The following ANKS1B variants were observed in gnomAD, a reference collection of about 807,000 sequenced individuals.
The protein encoded by ANKS1B is ankyrin repeat and sterile alpha motif domain-containing protein 1B.
ANKS1B carries 36 observed loss-of-function variants against 148.3 expected under a neutral mutation model. That is an observed-to-expected ratio of 0.24 (90% confidence interval 0.19 to 0.32). The LOEUF is 0.32. Among genes scored for constraint, ANKS1B ranks in the 10% least tolerant of loss-of-function variants. ANKS1B has a pLI of 1.00. For synonymous variants in ANKS1B, 542 were observed against 560.8 expected (o/e 0.97, Z 0.47); for missense variants, 1,157 against 1,542.6 (o/e 0.75, Z 4.19).
intron 9 of ANKS1B, among the ~76,000 whole-genome samples, chr12:98,738,681 A>G (rs139531594): frequency 3.9e-4 from 59 of 152,338 alleles, no homozygotes; most frequent in African/African-American, 1.4e-3. Flanking sequence ...AGAAAGGCCA[A>G]GACTCTTAGG....
At chr12:99,518,174 A>AT (rs879432610) in intron 9 of ANKS1B, among the ~76,000 whole-genome samples, 30 of 151,138 alleles carry the variant, frequency 2.0e-4, no homozygotes, top group African/African-American at 6.3e-4. Context: ...ACTGACCAGT[A>AT]TTTTTTTTTA....
In ANKS1B at chr12:98,832,148, T is replaced by C; in HGVS notation, c.2779-12A>G. The C allele has an allele frequency of 1.3e-6, 2 of 1,539,774 alleles. No homozygotes were observed. The highest frequency in any genetic ancestry group is 8.8e-7 in the Non-Finnish European group (1 of 1,136,200). ...TTGATTTTTAAAACCTGAAACAACA[T>C]ATATTTGGGTTAAATATTTCACTGG... On this transcript the variant is annotated splice_polypyrimidine_tract_variant and intron_variant, in intron 17 of 26. Coordinates refer to ENST00000683438, the MANE Select transcript of ANKS1B (RefSeq NM_001352186.2).
At chr12:99,336,021 A>G (rs746407230) in intron 12 of ANKS1B, among the ~76,000 whole-genome samples, 1 of 152,118 alleles carries the variant, frequency 6.6e-6, no homozygotes, top group Non-Finnish European at 1.5e-5. Flanking sequence ...CCTCGCTAGC[A>G]TTCACTATTA....
At chr12:99,203,252 C>T (rs931836682) in intron 14 of ANKS1B, among the ~76,000 whole-genome samples, 1 of 152,144 alleles carries the variant, frequency 6.6e-6, no homozygotes, top group African/African-American at 2.4e-5. Context: ...AGTCCTACCT[C>T]TTTTGCGTTG....
intron 24 of ANKS1B, among the ~76,000 whole-genome samples, chr12:98,779,049 T>G (rs2098708828): frequency 6.6e-6 from 1 of 152,230 alleles, no homozygotes; most frequent in African/African-American, 2.4e-5. Context: ...CATAGGCACT[T>G]TGCCTTTGCT....
rs540853960 is a variant in ANKS1B at position 99,182,787 on chromosome 12, G to A, written c.2420-28392C>T. ...ATTTACGTTCCTACTAACAGTGTAC[G>A]AGAGTTCCTTTTTCTCCACGTCTTC... On this transcript the variant is annotated intron_variant, in intron 14 of 26. Transcript: ENST00000683438. 2.3e-3 allele frequency among the ~76,000 whole-genome samples: 347 copies of A among 152,104 alleles called. 4 individuals are homozygous for A. The highest frequency in any genetic ancestry group is 8.1e-3 in the African/African-American group (335 of 41,516).
chr12:98,919,698 T>G (rs1467408366), intron 17 of ANKS1B, among the ~76,000 whole-genome samples: 2 of 152,206 alleles, frequency 1.3e-5, no homozygotes, highest in African/African-American at 4.8e-5. Flanking sequence ...TCTTTTTTAG[T>G]TTGCTCTTAC....
intron 2 of ANKS1B, among the ~76,000 whole-genome samples, chr12:99,819,276 G>C (rs1004316705): frequency 6.6e-6 from 1 of 151,798 alleles, no homozygotes; most frequent in Non-Finnish European, 1.5e-5. Context: ...TAGATTTCTA[G>C]ATTACAGAGT....
intron 1 of ANKS1B, among the ~76,000 whole-genome samples, chr12:99,842,840 G>A (rs897515300): frequency 2.6e-5 from 4 of 152,114 alleles, no homozygotes; most frequent in Non-Finnish European, 4.4e-5. Flanking sequence ...GCATTGAAAA[G>A]TATATTCTAT....
intron 16 of ANKS1B, among the ~76,000 whole-genome samples, chr12:99,063,931 C>G (rs1044977915): frequency 2.0e-5 from 3 of 152,164 alleles, no homozygotes; most frequent in Non-Finnish European, 2.9e-5. Context: ...CAATTAGACT[C>G]TGTTATGGAT....
chr12:98,802,059 G>C (rs1304968200), intron 20 of ANKS1B, among the ~76,000 whole-genome samples: 1 of 152,078 alleles, frequency 6.6e-6, no homozygotes, highest in East Asian at 1.9e-4. Context: ...GGAAAGATTT[G>C]GATTTTTCCA....
At chr12:99,748,199 C>T (rs1455800378) in intron 8 of ANKS1B, among the ~76,000 whole-genome samples, 1 of 151,972 alleles carries the variant, frequency 6.6e-6, no homozygotes, top group Non-Finnish European at 1.5e-5. Flanking sequence ...TGACCCTTCC[C>T]AGAAGTCTAT....
At chr12:98,813,238 G>A (rs995840054) in intron 19 of ANKS1B, among the ~76,000 whole-genome samples, 2 of 150,538 alleles carry the variant, frequency 1.3e-5, no homozygotes, top group African/African-American at 4.9e-5. Flanking sequence ...TTGAGATGGA[G>A]TCTCATTCTG....
chr12:99,309,577 A>G (rs2082858867), intron 12 of ANKS1B, among the ~76,000 whole-genome samples: 1 of 152,106 alleles, frequency 6.6e-6, no homozygotes, highest in Non-Finnish European at 1.5e-5. Flanking sequence ...ACATATGTAT[A>G]CACATTAATT....
chr12:98,776,181 C>T (rs1170222783), intron 24 of ANKS1B, among the ~76,000 whole-genome samples: 1 of 152,252 alleles, frequency 6.6e-6, no homozygotes, highest in Non-Finnish European at 1.5e-5. Flanking sequence ...GTCAAGGATA[C>T]TACAGTTGTA....
intron 8 of ANKS1B, among the ~76,000 whole-genome samples, chr12:99,726,717 G>A (rs1393339977): frequency 6.6e-5 from 10 of 152,292 alleles, no homozygotes; most frequent in Non-Finnish European, 1.5e-5. Context: ...TATCCCTGAT[G>A]AATATTGATG....
At chr12:99,369,592 T>A (rs1296187739) in intron 12 of ANKS1B, among the ~76,000 whole-genome samples, 1 of 150,894 alleles carries the variant, frequency 6.6e-6, no homozygotes, top group East Asian at 2.0e-4. Flanking sequence ...AATTATAATT[T>A]TCTCAGTGTG....
chr12:99,978,877 A>T (rs940046063), intron 1 of ANKS1B, among the ~76,000 whole-genome samples: 3 of 152,196 alleles, frequency 2.0e-5, no homozygotes, highest in Non-Finnish European at 4.4e-5. Context: ...GAATTTACTA[A>T]ATACACCTTA....
intron 10 of ANKS1B, among the ~76,000 whole-genome samples, chr12:99,482,131 A>G (rs1390135159): frequency 6.6e-6 from 1 of 151,996 alleles, no homozygotes; most frequent in African/African-American, 2.4e-5. Flanking sequence ...AGATTTTTCA[A>G]CATCGTCTTC....
Sources: gnomAD v4.1 joint callset for allele counts (sites outside exome capture counted in the v4.1 genomes callset) on GRCh38, gnomAD v4.1.1 for gene constraint, MANE v1.5 for transcripts, NCBI Gene and HGNC (gene_info 2026-07-23, HGNC 2026-07-21) for gene names.